The following SMURF1 variants were observed in gnomAD, a reference collection of about 807,000 sequenced individuals.
SMURF1 encodes the protein SMAD specific E3 ubiquitin protein ligase 1, also known as E3 ubiquitin-protein ligase SMURF1.
A neutral mutation model predicts 98.0 loss-of-function variants in SMURF1; 44 were observed. The observed-to-expected ratio is 0.45, with a 90% CI of 0.35 to 0.58. SMURF1 has a LOEUF of 0.58. SMURF1 is among the 20% of genes least tolerant of loss of function. SMURF1 has a pLI of 0.00. For synonymous variants in SMURF1, 396 were observed against 374.9 expected (o/e 1.06, Z -0.65); for missense variants, 687 against 938.4 (o/e 0.73, Z 3.50).
chr7:99,098,837 A>T (rs1157835498), intron 1 of SMURF1, among the ~76,000 whole-genome samples: 1 of 152,110 alleles, frequency 6.6e-6, no homozygotes. Flanking sequence ...TCCTTTAAGG[A>T]GGTTACTCTG....
intron 5 of SMURF1, among the ~76,000 whole-genome samples, chr7:99,056,391 AC>A (rs1795876172): frequency 6.6e-6 from 1 of 152,190 alleles, no homozygotes; most frequent in Non-Finnish European, 1.5e-5. Flanking sequence ...CAGCTAAATC[AC>A]TTCCAACAGA....
At chr7:99,031,657 T>C (rs1437811290) in intron 17 of SMURF1, among the ~76,000 whole-genome samples, 1 of 152,238 alleles carries the variant, frequency 6.6e-6, no homozygotes, top group African/African-American at 2.4e-5. Flanking sequence ...ACAGCCATGC[T>C]TGGAGCAGGA....
chr7:99,090,863 G>A (rs1054860017), intron 1 of SMURF1, among the ~76,000 whole-genome samples: 3 of 152,118 alleles, frequency 2.0e-5, no homozygotes, highest in African/African-American at 4.8e-5. Flanking sequence ...GAAATGCTGC[G>A]GGCAGAATTC....
intron 1 of SMURF1, among the ~76,000 whole-genome samples, chr7:99,133,115 A>C (rs1239932659): frequency 8.2e-6 from 1 of 121,550 alleles, no homozygotes; most frequent in African/African-American, 2.8e-5. Flanking sequence ...ACACACACAC[A>C]CCCCACCCAC....
intron 15 of SMURF1, 80 bp from the exon 16 acceptor site, chr7:99,035,796 C>CA: frequency 1.4e-6 from 2 of 1,399,916 alleles, no homozygotes; most frequent in Non-Finnish European, 2.0e-6. Context: ...ACCCGACACA[C>CA]AACAGTGAAA....
At chr7:99,055,092 ATGTTTCTCC>A (rs1224905975) in intron 5 of SMURF1, among the ~76,000 whole-genome samples, 2 of 152,146 alleles carry the variant, frequency 1.3e-5, no homozygotes, top group African/African-American at 4.8e-5. Context: ...AAAGGGTGCT[ATGTTTCTCC>A]TGGTCTCCAT....
chr7:99,142,639 G>A, intron 1 of SMURF1, among the ~76,000 whole-genome samples: 1 of 136,762 alleles, frequency 7.3e-6, no homozygotes, highest in South Asian at 2.5e-4. Context: ...GGACGGTGTG[G>A]GGGGGTGAGG....
chr7:99,044,149 T>G (rs1563002138), intron 11 of SMURF1, among the ~76,000 whole-genome samples: 1 of 152,030 alleles, frequency 6.6e-6, no homozygotes, highest in Non-Finnish European at 1.5e-5. Context: ...CCATCTCTAC[T>G]AAAAATATAA....
chr7:99,094,633 T>G (rs1796903626), intron 1 of SMURF1, among the ~76,000 whole-genome samples: 2 of 143,386 alleles, frequency 1.4e-5, no homozygotes, highest in Non-Finnish European at 1.5e-5. Context: ...GTGGAGGGAG[T>G]GAAATGAAAA....
Position 99,035,926 on chromosome 7 carries a change from C to T in SMURF1, c.1810-210G>A, listed in dbSNP as rs2150498201. 4 of 589,348 alleles carry T rather than the reference C, an allele frequency of 6.8e-6. No homozygotes were observed. The East Asian group carries it at 1.2e-4, about 17-fold the overall frequency. 36.5% of individuals were successfully genotyped at this position (589,348 alleles called of 1,614,324 possible). ...CCGCCTCCTCCAAACGGGTCTCCAACCCCAAGGACCGCGGTGCACAGCTGT... is the reference window on the plus strand; with the variant it reads ...CCGCCTCCTCCAAACGGGTCTCCAATCCCAAGGACCGCGGTGCACAGCTGT... On this transcript the variant is annotated intron_variant, in intron 15 of 17. Coordinates refer to ENST00000361368, the MANE Select transcript of SMURF1 (RefSeq NM_181349.3).
chr7:99,042,067 C>G (rs771129328), intron 12 of SMURF1, 51 bp downstream of exon 12: 4 of 1,439,912 alleles, frequency 2.8e-6, no homozygotes, highest in Middle Eastern at 1.7e-4. Flanking sequence ...GAAAATCCAT[C>G]TCAAAACTTC....
chr7:99,041,133 T>G (rs531375169), intron 12 of SMURF1, among the ~76,000 whole-genome samples: 16 of 152,284 alleles, frequency 1.1e-4, no homozygotes, highest in South Asian at 1.0e-3. Flanking sequence ...CGGGCATGGT[T>G]GCTCACGCCT....
chr7:99,060,390 A>G (rs1289996076), intron 3 of SMURF1, among the ~76,000 whole-genome samples: 4 of 151,612 alleles, frequency 2.6e-5, no homozygotes, highest in African/African-American at 7.3e-5. Context: ...AAAAAAAAAA[A>G]AAAAAAAGAA....
chr7:99,032,761 G>T, intron 17 of SMURF1: 1 of 452,950 alleles, frequency 2.2e-6, no homozygotes. Flanking sequence ...CAATAATGTT[G>T]GCCCTCTTAC....
At chr7:99,135,196 A>C (rs1487671057) in intron 1 of SMURF1, among the ~76,000 whole-genome samples, 1 of 152,230 alleles carries the variant, frequency 6.6e-6, no homozygotes, top group African/African-American at 2.4e-5. Flanking sequence ...TGCTCTAAGA[A>C]ATTCTTATCT....
Position 99,077,313 on chromosome 7 carries a change from TTTTTTTTTA to T in SMURF1, c.56-15485_56-15477del, listed in dbSNP as rs1263863215. ...GTAGCTAGGATTCTTAATCCACTTC[TTTTTTTTTA>T]TTTTTTTTATTTTTTTTTATTTTTT... On this transcript the variant is annotated intron_variant, in intron 1 of 17. Transcript: ENST00000361368. Among the ~76,000 whole-genome samples, 5 of 150,746 alleles carry T rather than the reference TTTTTTTTTA, an allele frequency of 3.3e-5. No homozygotes were observed. In the South Asian group the frequency reaches 8.3e-4, roughly 25 times the overall value.
At position 99,029,037 on chromosome 7, in the gene SMURF1, C is replaced by T; in HGVS notation, c.*1547G>A. 6.6e-6 allele frequency: 1 copy of T among 152,518 alleles called. No homozygotes were observed. Among genetic ancestry groups the T allele is most frequent in the Non-Finnish European group, 1.5e-5 (1 of 68,108 alleles). The allele number at this position is 152,518 out of a possible 1,614,324, so 9.4% of individuals were successfully genotyped here. On this transcript the variant is annotated 3_prime_UTR_variant, in exon 18 of 18. Coordinates refer to ENST00000361368, the MANE Select transcript of SMURF1 (RefSeq NM_181349.3). Reference sequence around the variant, plus strand: ...TTTTGGAATGGGGGATTAAACTTTCCTCCTGCAGCAAACCTCATTTGGCAG... The same window carrying T: ...TTTTGGAATGGGGGATTAAACTTTCTTCCTGCAGCAAACCTCATTTGGCAG...
intron 1 of SMURF1, among the ~76,000 whole-genome samples, chr7:99,129,699 A>G (rs1435481922): frequency 6.6e-6 from 1 of 152,050 alleles, no homozygotes; most frequent in Non-Finnish European, 1.5e-5. Flanking sequence ...GCCTTCCCCC[A>G]TTTTTATAGC....
At chr7:99,041,168 G>A (rs1400585302) in intron 12 of SMURF1, among the ~76,000 whole-genome samples, 1 of 152,182 alleles carries the variant, frequency 6.6e-6, no homozygotes, top group Non-Finnish European at 1.5e-5. Flanking sequence ...TTGGGAGGCT[G>A]AGGCAGGCAG....
Sources: gnomAD v4.1 joint callset for allele counts (sites outside exome capture counted in the v4.1 genomes callset) on GRCh38, gnomAD v4.1.1 for gene constraint, MANE v1.5 for transcripts, NCBI Gene and HGNC (gene_info 2026-07-23, HGNC 2026-07-21) for gene names.